CDC42BPG: variants seen among roughly 807,000 people sequenced by gnomAD.
CDC42BPG encodes the protein serine/threonine-protein kinase MRCK gamma.
Under a neutral mutation model 192.2 loss-of-function variants are expected in CDC42BPG, and 157 were observed. The ratio of observed to expected loss-of-function variants is 0.82; its 90% CI spans 0.72 to 0.93. The LOEUF (loss-of-function observed/expected upper bound fraction) is 0.93, where lower values mean the gene tolerates loss of function less well. CDC42BPG is among the 40% of genes least tolerant of loss of function. The pLI, the probability that CDC42BPG is intolerant of heterozygous loss-of-function variation, is 0.00. For synonymous variants in CDC42BPG, 981 were observed against 918.5 expected, an observed-to-expected ratio of 1.07 and a Z score of -1.23; for missense variants, 1,992 against 2,122.1, an observed-to-expected ratio of 0.94 and a Z score of 1.20.
intron 35 of CDC42BPG, 30 bp downstream of exon 35, chr11:64,826,641 G>A: frequency 6.3e-7 from 1 of 1,582,696 alleles, no homozygotes; most frequent in South Asian, 1.1e-5. Flanking sequence ...GTGGGGGGTG[G>A]CACACTGGAG....
chr11:64,832,172 G>A (rs1416678947), intron 27 of CDC42BPG, among the ~76,000 whole-genome samples: 1 of 152,242 alleles, frequency 6.6e-6, no homozygotes, highest in African/African-American at 2.4e-5. Flanking sequence ...GGTGCCAAGG[G>A]AGAGGGCTGG....
Position 64,833,818 on chromosome 11 carries a change from G to C in CDC42BPG, c.2485C>G (p.Pro829Ala). ...RSSEKDSAKD[P>A]GISGEATRHG... ...CTTGTGGCCTCTCCTGAGATGCCAG[G>C]GTCCTTGGCAGAATCCTTCTGGGGG... The change falls in exon 22 of 37, where the codon CCT becomes GCT. Residue 829 changes from proline (P) to alanine (A), a missense_variant. By Grantham distance (27) the Pro-to-Ala change is conservative. This residue lies in a region of CDC42BPG where 1,656 missense variants were observed against 1,844.3 expected (regional missense o/e 0.90). Transcript: ENST00000342711. 1 of 1,614,252 alleles carries C rather than the reference G, an allele frequency of 6.2e-7. No individual in the cohort carries two copies. Among genetic ancestry groups the C allele is most frequent in the South Asian group, 1.1e-5 (1 of 91,090 alleles).
rs545425596 is a variant in CDC42BPG at position 64,827,145 on chromosome 11, C to T, written c.4294G>A (p.Val1432Met). Reference sequence around the variant, plus strand: ...GGCGGCGAGATGAGCTTGGAGCGCACAAAAGGGTCCTTCAGCATCTCCCTG... The same window carrying T: ...GGCGGCGAGATGAGCTTGGAGCGCATAAAAGGGTCCTTCAGCATCTCCCTG... ...QRREMLKDPF[V>M]RSKLISPPTN... Residue 1432 changes from valine to methionine, a missense_variant, in exon 34 of 37, where the codon GTG (valine) becomes ATG (methionine). Val to Met is a conservative substitution (Grantham distance 21). Coordinates refer to ENST00000342711, the MANE Select transcript of CDC42BPG (RefSeq NM_017525.3). The T allele has an allele frequency of 6.2e-7, 1 of 1,614,018 alleles. No homozygotes were observed. Among genetic ancestry groups the T allele is most frequent in the Non-Finnish European group, 8.5e-7 (1 of 1,179,998 alleles).
At chr11:64,826,357 G>T (rs1039023055) in intron 36 of CDC42BPG, 113 bp downstream of exon 36, 1 of 735,400 alleles carries the variant, frequency 1.4e-6, no homozygotes, top group Admixed American at 2.2e-5. Flanking sequence ...AGAATCGAGG[G>T]CAGGGATGGG....
rs1339934772 is a variant in CDC42BPG, at chr11:64,829,986, C to T, written c.3452G>A (p.Arg1151His). Residue 1151 changes from arginine (R) to histidine (H), a missense_variant, in exon 30 of 37, where the codon CGC becomes CAC. This residue lies in a region of CDC42BPG where 1,656 missense variants were observed against 1,844.3 expected (regional missense o/e 0.90). Transcript: ENST00000342711. The stretch of plus-strand genomic sequence containing the variant: ...GGCAAAGAGACGCACGCTGGGGCCG[C>T]GGCCACACAGCACGACCAGCAGGCC... ...SAGLLVVLCG[R>H]GPSVRLFALA... 11 of 1,612,952 alleles carry T rather than the reference C, an allele frequency of 6.8e-6. No individual in the cohort carries two copies. Among genetic ancestry groups the T allele is most frequent in the South Asian group, 1.1e-5 (1 of 91,074 alleles).
intron 30 of CDC42BPG, among the ~76,000 whole-genome samples, chr11:64,827,984 C>T (rs924254395): frequency 4.6e-5 from 7 of 152,158 alleles, no homozygotes; most frequent in South Asian, 4.1e-4. Context: ...GTTCTAAACA[C>T]GACATGCTTT....
intron 12 of CDC42BPG, 55 bp downstream of exon 12, chr11:64,836,372 A>ACTCACCCACCTCACCCACCTCACCCAC (rs71471960): frequency 7.3e-6 from 11 of 1,510,144 alleles, no homozygotes; most frequent in South Asian, 1.1e-5. Context: ...GCCCAGGGCC[A>ACTCACCCACCTCACCCACCTCACCCAC]CTCACCCACC....
intron 12 of CDC42BPG, 58 bp from the exon 13 acceptor site, chr11:64,836,354 T>C: frequency 6.3e-7 from 1 of 1,589,382 alleles, no homozygotes; most frequent in South Asian, 1.1e-5. Context: ...GCACGAACCG[T>C]CCATGGAGCC....
chr11:64,834,056 C>T, intron 20 of CDC42BPG, 79 bp from the exon 21 acceptor site: 1 of 1,586,232 alleles, frequency 6.3e-7, no homozygotes, highest in Non-Finnish European at 8.7e-7. Context: ...CAGTTCCCAC[C>T]TCAGTAAAAT....
Position 64,829,959 on chromosome 11 carries a change from A to G in CDC42BPG, c.3479T>C (p.Leu1160Pro). 1 of 1,612,476 alleles carries G rather than the reference A, an allele frequency of 6.2e-7. No individual in the cohort carries two copies. Among genetic ancestry groups the G allele is most frequent in the African/African-American group, 1.3e-5 (1 of 75,020 alleles). Residue 1160 changes from leucine (L) to proline (P), a missense_variant, in exon 30 of 37, where the codon CTG becomes CCG. By Grantham distance (98) the Leu-to-Pro change is moderately conservative. This residue lies in a region of CDC42BPG where 1,656 missense variants were observed against 1,844.3 expected (regional missense o/e 0.90). Coordinates refer to ENST00000342711, the MANE Select transcript of CDC42BPG (RefSeq NM_017525.3). ...GRGPSVRLFA[L>P]AELENIEVAG... ...TACCTCTATGTTCTCCAGCTCCGCC[A>G]GGGCAAAGAGACGCACGCTGGGGCC...
At chr11:64,831,482 T>A in intron 28 of CDC42BPG, 23 bp downstream of exon 28, 1 of 1,593,334 alleles carries the variant, frequency 6.3e-7, no homozygotes, top group Non-Finnish European at 8.6e-7. Flanking sequence ...AACTGCTTCC[T>A]CCAGTCCCCT....
At position 64,836,809 on chromosome 11, in the gene CDC42BPG, G is replaced by A. The variant is rs373047053; in HGVS notation, c.1314C>T (p.His438=). The stretch of plus-strand genomic sequence containing the variant: ...CCAGCTCCCGATGGTCTGTGGGGGC[G>A]TGCAGGGCCTCTGGAGGGGAGGTGG... ...ELSRKHQEAL[H]APTDHRELEQ... Residue 438 remains histidine, a synonymous_variant, in exon 11 of 37, where the codon CAC becomes CAT. Transcript: ENST00000342711. The A allele has an allele frequency of 1.4e-5, 23 of 1,607,196 alleles. No homozygotes were observed. The highest frequency in any genetic ancestry group is 3.3e-5 in the South Asian group (3 of 90,474).
Position 64,834,354 on chromosome 11 carries a change from G to T in CDC42BPG, c.2325C>A (p.Arg775=), listed in dbSNP as rs747609362. Residue 775 remains arginine (R), a splice_region_variant and synonymous_variant, in exon 20 of 37, where the codon CGC becomes CGA. Coordinates refer to ENST00000342711, the MANE Select transcript of CDC42BPG (RefSeq NM_017525.3). ...QVQEAQLQAE[R]RLQEAEKQSQ... ...TCTGCTTCTCGGCCTCCTGCAGACG[G>T]CTGGGGAGAATGGCAAGGGCTCGCC... 2.6e-6 allele frequency: 4 copies of T among 1,568,360 alleles called. No individual in the cohort carries two copies. Among genetic ancestry groups the T allele is most frequent in the South Asian group, 1.2e-5 (1 of 85,984 alleles).
intron 8 of CDC42BPG, 84 bp downstream of exon 8, chr11:64,838,570 C>T (rs1943128736): frequency 6.4e-7 from 1 of 1,559,428 alleles, no homozygotes; most frequent in Non-Finnish European, 8.7e-7. Context: ...CCCCAGCCCA[C>T]CCCAGGGGAC....
chr11:64,842,421 T>A (rs1391599011), intron 1 of CDC42BPG, among the ~76,000 whole-genome samples: 1 of 152,046 alleles, frequency 6.6e-6, no homozygotes, highest in African/African-American at 2.4e-5. Context: ...AGGTGCCTGG[T>A]TGGGGGTGAG....
intron 1 of CDC42BPG, among the ~76,000 whole-genome samples, chr11:64,842,658 TTTGTCTGGTCAAGAACGTCCTC>T (rs764464190): frequency 2.6e-5 from 4 of 152,092 alleles, no homozygotes; most frequent in Admixed American, 6.5e-5. Flanking sequence ...GGACGAAGCT[TTTGTCTGGTCAAGAACGTCCTC>T]TTTCCTCACA....
rs1438443953 is a variant in CDC42BPG at position 64,832,904 on chromosome 11, C to T, written c.2787G>A (p.Val929=). Reference sequence around the variant, plus strand: ...GGGCTGTGCGGAGGAGGTCAGGGGGCACGGGGCAGGGTGGGGCCTGTGGGG... The same window carrying T: ...GGGCTGTGCGGAGGAGGTCAGGGGGTACGGGGCAGGGTGGGGCCTGTGGGG... ...TCAPQAPPCP[V]PPDLLRTALG... Residue 929 remains valine, a synonymous_variant, in exon 25 of 37, where the codon GTG becomes GTA. Transcript: ENST00000342711. 2 of 1,550,752 alleles carry T rather than the reference C, an allele frequency of 1.3e-6. No individual in the cohort carries two copies. Among genetic ancestry groups the T allele is most frequent in the African/African-American group, 2.7e-5 (2 of 73,110 alleles).
At chr11:64,825,678 G>C (rs1373840034) in intron 36 of CDC42BPG, among the ~76,000 whole-genome samples, 1 of 152,072 alleles carries the variant, frequency 6.6e-6, no homozygotes, top group African/African-American at 2.4e-5. Context: ...GAACCTCCCT[G>C]GCTTCTCTTA....
intron 4 of CDC42BPG, 69 bp from the exon 5 acceptor site, chr11:64,840,337 G>C: frequency 6.4e-7 from 1 of 1,571,978 alleles, no homozygotes; most frequent in South Asian, 1.1e-5. Flanking sequence ...CGGTCCCGCA[G>C]GGCTCTGGGA....
Sources: gnomAD v4.1 joint callset for allele counts (sites outside exome capture counted in the v4.1 genomes callset) on GRCh38, gnomAD v4.1.1 for gene constraint, gnomAD v4.1.1 regional missense constraint, MANE v1.5 for transcripts, NCBI Gene and HGNC (gene_info 2026-07-23, HGNC 2026-07-21) for gene names.